Variants in DEUP1 observed in about 807,000 individuals in gnomAD.
The protein encoded by DEUP1 is coiled-coil domain containing 67.
DEUP1 carries 82 observed loss-of-function variants against 87.4 expected under a neutral mutation model. That is an observed-to-expected ratio of 0.94 (90% CI 0.78 to 1.13). The LOEUF (loss-of-function observed/expected upper bound fraction) is 1.13, where lower values mean the gene tolerates loss of function less well. DEUP1 is among the 50% of genes most tolerant of loss of function. The pLI, the probability that DEUP1 is intolerant of heterozygous loss-of-function variation, is 0.00. For synonymous variants in DEUP1, 214 were observed against 222.7 expected (o/e 0.96, Z 0.35); for missense variants, 663 against 681.5 (o/e 0.97, Z 0.30).
In DEUP1 at chr11:93,394,672, G is replaced by A. The variant is rs759035002; in HGVS notation, c.1239+16G>A. 26 of 1,581,788 alleles carry A rather than the reference G, an allele frequency of 1.6e-5. No individual in the cohort carries two copies. The highest frequency in any genetic ancestry group is 2.2e-5 in the Non-Finnish European group (26 of 1,157,246). On this transcript the variant is annotated intron_variant, in intron 10 of 13. Transcript: ENST00000298050. ...AAAACAAAAGGTATGCAAGCAGGCA[G>A]AATAGCACTTGTCTAGGGCACATTC...
chr11:93,353,208 C>T (rs1279946874), intron 2 of DEUP1, among the ~76,000 whole-genome samples: 1 of 152,138 alleles, frequency 6.6e-6, no homozygotes, highest in African/African-American at 2.4e-5. Flanking sequence ...GTTACAGGCC[C>T]CATGCATGTT....
At chr11:93,355,206 TTTA>T (rs1944838391) in intron 2 of DEUP1, among the ~76,000 whole-genome samples, 162 bp from the exon 3 acceptor site, 1 of 152,222 alleles carries the variant, frequency 6.6e-6, no homozygotes, top group Non-Finnish European at 1.5e-5. Context: ...TGAAATTGGC[TTTA>T]TTAATTTTAA....
intron 6 of DEUP1, 90 bp downstream of exon 6, chr11:93,370,276 C>A: frequency 1.5e-6 from 1 of 646,448 alleles, no homozygotes; most frequent in South Asian, 2.0e-5. Flanking sequence ...TACAAACAGA[C>A]ATGCCAACTA....
chr11:93,395,268 T>C (rs1946905114), intron 10 of DEUP1, among the ~76,000 whole-genome samples: 1 of 152,166 alleles, frequency 6.6e-6, no homozygotes, highest in South Asian at 2.1e-4. Flanking sequence ...TTACTCATGA[T>C]CAAATGGATG....
intron 10 of DEUP1, among the ~76,000 whole-genome samples, chr11:93,395,001 A>T (rs1040632593): frequency 4.6e-5 from 7 of 151,914 alleles, no homozygotes; most frequent in Non-Finnish European, 8.8e-5. Context: ...TTTTATCTTT[A>T]AAAAAAAGTC....
chr11:93,380,387 G>GGTTTTGTTTT (rs370792628), intron 7 of DEUP1, among the ~76,000 whole-genome samples: 2,644 of 150,984 alleles, frequency 0.018, 88 homozygotes, highest in African/African-American at 0.062. Flanking sequence ...TGTTTTTTTG[G>GGTTTTGTTTT]GTTTTGTTTT....
At chr11:93,340,087 G>A (rs1943983227) in intron 2 of DEUP1, among the ~76,000 whole-genome samples, 1 of 152,162 alleles carries the variant, frequency 6.6e-6, no homozygotes, top group South Asian at 2.1e-4. Flanking sequence ...TGGTATCAGA[G>A]ACCTCATTGG....
At chr11:93,349,713 G>T (rs564688323) in intron 2 of DEUP1, among the ~76,000 whole-genome samples, 1 of 152,014 alleles carries the variant, frequency 6.6e-6, no homozygotes, top group East Asian at 1.9e-4. Flanking sequence ...CAGTATACTG[G>T]ATACTGAGTA....
intron 7 of DEUP1, among the ~76,000 whole-genome samples, chr11:93,372,265 T>A (rs1448150653): frequency 6.6e-6 from 1 of 152,150 alleles, no homozygotes; most frequent in African/African-American, 2.4e-5. Context: ...ACTTGAGACG[T>A]TCTTTTATCT....
intron 7 of DEUP1, among the ~76,000 whole-genome samples, chr11:93,372,078 G>A (rs964754384): frequency 1.3e-5 from 2 of 151,398 alleles, no homozygotes; most frequent in Non-Finnish European, 3.0e-5. Context: ...ACAGGCGCCC[G>A]CCACTACGCC....
intron 2 of DEUP1, among the ~76,000 whole-genome samples, chr11:93,337,099 ATTC>A (rs1330645232): frequency 6.6e-6 from 1 of 152,180 alleles, no homozygotes; most frequent in East Asian, 1.9e-4. Context: ...GATCCACCAG[ATTC>A]TTCTTATCTG....
chr11:93,403,278 T>C (rs2605574), intron 11 of DEUP1, among the ~76,000 whole-genome samples: 4 of 151,580 alleles, frequency 2.6e-5, no homozygotes, highest in Non-Finnish European at 5.9e-5. Flanking sequence ...AGTAATATTG[T>C]AAGTATCAGT....
intron 4 of DEUP1, among the ~76,000 whole-genome samples, chr11:93,358,926 C>G (rs947682325): frequency 6.6e-6 from 1 of 152,044 alleles, no homozygotes; most frequent in Non-Finnish European, 1.5e-5. Flanking sequence ...CCACTGTAAA[C>G]AGGGGTTTCG....
chr11:93,379,029 T>C lies in DEUP1; in HGVS notation c.790-6369T>C, dbSNP rs955924402. ...CTCATTTTGCTCTGTTCTATTTAGT[T>C]TGCCTGAAACATATTTCACTAGTAG... is the stretch of plus-strand genomic sequence containing the variant. On this transcript the variant is annotated intron_variant, in intron 7 of 13. Transcript: ENST00000298050. Among the ~76,000 whole-genome samples, 25 of 152,214 alleles carry C rather than the reference T, an allele frequency of 1.6e-4. 1 individual carries two copies. Among genetic ancestry groups the C allele is most frequent in the African/African-American group, 4.8e-4 (20 of 41,450 alleles).
chr11:93,338,793 A>G (rs751864626), intron 2 of DEUP1, among the ~76,000 whole-genome samples: 2 of 152,250 alleles, frequency 1.3e-5, no homozygotes, highest in Non-Finnish European at 2.9e-5. Context: ...GAAATAAAAT[A>G]TAAATACCAA....
intron 4 of DEUP1, among the ~76,000 whole-genome samples, chr11:93,359,679 C>A (rs1360025759): frequency 1.3e-5 from 2 of 152,106 alleles, no homozygotes; most frequent in East Asian, 3.9e-4. Flanking sequence ...AGCCAAAAGA[C>A]CAGAAGAGAG....
intron 2 of DEUP1, among the ~76,000 whole-genome samples, chr11:93,348,265 T>C (rs1277301338): frequency 6.6e-6 from 1 of 152,198 alleles, no homozygotes; most frequent in African/African-American, 2.4e-5. Flanking sequence ...TGTTTTTTTA[T>C]TCATTTTTTT....
intron 2 of DEUP1, among the ~76,000 whole-genome samples, chr11:93,345,922 T>C (rs1247303307): frequency 1.3e-5 from 2 of 152,226 alleles, no homozygotes; most frequent in African/African-American, 2.4e-5. Context: ...TGTTATGAAA[T>C]TTTGGCCTAT....
chr11:93,415,611 C>T (rs561002123), intron 13 of DEUP1, among the ~76,000 whole-genome samples: 1 of 152,050 alleles, frequency 6.6e-6, no homozygotes, highest in African/African-American at 2.4e-5. Context: ...CCAGAAGCCC[C>T]ACTCATGTTC....
Sources: gnomAD v4.1 joint callset for allele counts (sites outside exome capture counted in the v4.1 genomes callset) on GRCh38, gnomAD v4.1.1 for gene constraint, MANE v1.5 for transcripts, NCBI Gene and HGNC (gene_info 2026-07-23, HGNC 2026-07-21) for gene names.